Variants in SIGLEC1 observed in about 807,000 individuals in gnomAD.
The protein encoded by SIGLEC1 is sialoadhesin.
A neutral mutation model predicts 148.0 loss-of-function variants in SIGLEC1; 132 were observed. The observed-to-expected ratio is 0.89, with a 90% CI of 0.77 to 1.03. The LOEUF (loss-of-function observed/expected upper bound fraction) is 1.03. Ranked by LOEUF, SIGLEC1 falls within the 50% of genes least tolerant of loss-of-function variation. The pLI is 0.00. For synonymous variants in SIGLEC1, 945 were observed against 969.0 expected (o/e 0.98, Z 0.46); for missense variants, 2,253 against 2,271.4 (o/e 0.99, Z 0.16).
At chr20:3,708,626 G>T (rs1001197054) in intron 1 of SIGLEC1, among the ~76,000 whole-genome samples, 13 of 151,974 alleles carry the variant, frequency 8.6e-5, no homozygotes, top group Admixed American at 5.2e-4. Flanking sequence ...ACAGGCCTGT[G>T]GTCCCAGCTA....
rs146035034 is a variant in SIGLEC1 at position 3,692,070 on chromosome 20, G to T, written c.4163C>A (p.Thr1388Lys). Residue 1388 changes from threonine to lysine, a missense_variant, in exon 17 of 22, where the codon ACG becomes AAG. Thr to Lys is a moderately conservative substitution (Grantham distance 78). Coordinates refer to ENST00000344754, the MANE Select transcript of SIGLEC1 (RefSeq NM_023068.4). The stretch of plus-strand genomic sequence containing the variant: ...TGCCAAGCTGTGGACCCCGCTGCTC[G>T]TGGCCAGCACCTTGCCATCATGAGA... ...ALSHDGKVLATSSGVHSLASG... is the reference protein window; with the variant it reads ...ALSHDGKVLAKSSGVHSLASG... 1,434 of 1,611,468 alleles carry T rather than the reference G, an allele frequency of 8.9e-4. 13 individuals carry two copies. The highest frequency in any genetic ancestry group is 1.3e-3 in the Middle Eastern group (8 of 6,036).
At position 3,692,137 on chromosome 20, in the gene SIGLEC1, G is replaced by C; in HGVS notation, c.4096C>G (p.Gln1366Glu). The C allele has an allele frequency of 6.3e-7, 1 of 1,596,688 alleles. No homozygotes were observed. The highest frequency in any genetic ancestry group is 8.5e-7 in the Non-Finnish European group (1 of 1,171,662). The change falls in exon 17 of 22, where the codon CAG becomes GAG. Residue 1366 changes from glutamine (Q) to glutamate (E), a missense_variant. Coordinates refer to ENST00000344754, the MANE Select transcript of SIGLEC1 (RefSeq NM_023068.4). ...GGTGGCTCACTGTCCACAGTGCACT[G>C]TATCACAGCCATGGATCTGGCCCTG... ...DSRARSMAVI[Q>E]CTVDSEPPAE...
At chr20:3,691,161 C>G (rs777922147) in intron 18 of SIGLEC1, among the ~76,000 whole-genome samples, 179 bp downstream of exon 18, 13 of 152,170 alleles carry the variant, frequency 8.5e-5, no homozygotes, top group Non-Finnish European at 1.8e-4. Context: ...CAGGATGAGG[C>G]GAATGATGTA....
In SIGLEC1 at chr20:3,710,890, A is replaced by C. The variant is rs1289727525; in HGVS notation, c.-110+1580T>G. 6.6e-6 allele frequency among the ~76,000 whole-genome samples: 1 copy of C among 152,232 alleles called. No individual in the cohort carries two copies. Among genetic ancestry groups the C allele is most frequent in the Non-Finnish European group, 1.5e-5 (1 of 68,036 alleles). Reference sequence around the variant, plus strand: ...CCACCGGAATCCAGCCTATTGGCTCAGCCTGTCACCACAAAGGCCAGCTTC... The same window carrying C: ...CCACCGGAATCCAGCCTATTGGCTCCGCCTGTCACCACAAAGGCCAGCTTC... On this transcript the variant is annotated intron_variant, in intron 1 of 21. Coordinates refer to ENST00000344754, the MANE Select transcript of SIGLEC1 (RefSeq NM_023068.4). The surrounding 1 kb of genome is among the most constrained non-coding windows in gnomAD (Gnocchi z 4.6).
intron 11 of SIGLEC1, among the ~76,000 whole-genome samples, chr20:3,696,252 T>TA (rs1205712042): frequency 6.6e-6 from 1 of 152,142 alleles, no homozygotes; most frequent in East Asian, 1.9e-4. Flanking sequence ...TACTCATACA[T>TA]AAACATATAT....
At position 3,698,036 on chromosome 20, in the gene SIGLEC1, G is replaced by A. The variant is rs1472632783; in HGVS notation, c.1884C>T (p.Ser628=). ...RRGLLLCRVD[S]DPPARLQLLH... ...GCAGCTGCAGCCTGGCGGGGGGGTC[G>A]CTGTCCACACGGCACAAAAGGAGGC... Residue 628 remains serine (S), a synonymous_variant, in exon 9 of 22, where the codon AGC becomes AGT. Transcript: ENST00000344754. The A allele has an allele frequency of 4.4e-6, 7 of 1,608,432 alleles. No individual in the cohort carries two copies. Among genetic ancestry groups the A allele is most frequent in the South Asian group, 2.2e-5 (2 of 90,524 alleles).
chr20:3,695,543 G>A (rs1388351474), intron 11 of SIGLEC1, among the ~76,000 whole-genome samples: 1 of 152,146 alleles, frequency 6.6e-6, no homozygotes, highest in Non-Finnish European at 1.5e-5. Flanking sequence ...TGAGATGGAG[G>A]GACAGCTGGA....
At chr20:3,695,312 G>T (rs2088811529) in intron 11 of SIGLEC1, among the ~76,000 whole-genome samples, 1 of 152,228 alleles carries the variant, frequency 6.6e-6, no homozygotes, top group Non-Finnish European at 1.5e-5. Flanking sequence ...GAGGGATTTA[G>T]ATCATCCCGG....
rs2087811948 is a variant in SIGLEC1, at chr20:3,697,396, G to A, written c.2123-54C>T. 4 of 1,604,428 alleles carry A rather than the reference G, an allele frequency of 2.5e-6. No homozygotes were observed. In the African/African-American group the frequency reaches 4.0e-5, roughly 16 times the overall value. ...CCACCCCCGGCCCCCAGGAGCCAGGGGTCCAGCCGCCCAGCCTGGAAGGAG... is the reference window on the plus strand; with the variant it reads ...CCACCCCCGGCCCCCAGGAGCCAGGAGTCCAGCCGCCCAGCCTGGAAGGAG... On this transcript the variant is annotated intron_variant, in intron 9 of 21. Transcript: ENST00000344754.
At position 3,697,261 on chromosome 20, in the gene SIGLEC1, G is replaced by A. The variant is rs138665604; in HGVS notation, c.2204C>T (p.Ala735Val). The A allele has an allele frequency of 1.5e-5, 24 of 1,613,900 alleles. No individual in the cohort carries two copies. The African/African-American group carries it at 2.9e-4, about 20-fold the overall frequency. The change falls in exon 10 of 22, where the codon GCT becomes GTT. Residue 735 changes from alanine to valine, a missense_variant. Physicochemically the swap from Ala to Val is moderately conservative, Grantham distance 64. Coordinates refer to ENST00000344754, the MANE Select transcript of SIGLEC1 (RefSeq NM_023068.4). ...GGAGAAGTTAGCAGGGCTGCCAGCAGCTTCCCGGCTCACGTTGCAAGTCAA... is the reference window on the plus strand; with the variant it reads ...GGAGAAGTTAGCAGGGCTGCCAGCAACTTCCCGGCTCACGTTGCAAGTCAA... ...ANLTCNVSRE[A>V]AGSPANFSWF...
At chr20:3,691,146 A>G (rs577146179) in intron 18 of SIGLEC1, among the ~76,000 whole-genome samples, 194 bp downstream of exon 18, 20 of 151,976 alleles carry the variant, frequency 1.3e-4, no homozygotes, top group African/African-American at 4.6e-4. Flanking sequence ...TTCTTATACA[A>G]CTTGCAGGAT....
chr20:3,696,129 T>TATATATATATATACACAC lies in SIGLEC1; in HGVS notation c.2683+456_2683+457insGTGTGTATATATATATAT, dbSNP rs11087599. 7.5e-4 allele frequency among the ~76,000 whole-genome samples: 107 copies of TATATATATATATACACAC among 142,508 alleles called. 1 individual carries two copies. The highest frequency in any genetic ancestry group is 2.8e-3 in the African/African-American group (103 of 36,572). The allele number at this position is 142,508 out of a possible 152,430, so 93.5% of individuals were successfully genotyped here. On this transcript the variant is annotated intron_variant, in intron 11 of 21. Coordinates refer to ENST00000344754, the MANE Select transcript of SIGLEC1 (RefSeq NM_023068.4). The stretch of plus-strand genomic sequence containing the variant: ...AGGATTTTTATAGAGACTATATATA[T>TATATATATATATACACAC]ACACACACACAAACACACACACACA...
rs1345954693 is a variant in SIGLEC1 at position 3,691,866 on chromosome 20, C to T, written c.4330+37G>A. 2.6e-6 allele frequency: 4 copies of T among 1,542,164 alleles called. No individual in the cohort carries two copies. In the African/African-American group the frequency reaches 5.4e-5, roughly 21 times the overall value. On this transcript the variant is annotated intron_variant, in intron 17 of 21. Transcript: ENST00000344754. Reference sequence around the variant, plus strand: ...CCTCTCGTGGACTTGGACCTGAGAGCATCAGAGCCCCTCCTCCTCCCCTCT... The same window carrying T: ...CCTCTCGTGGACTTGGACCTGAGAGTATCAGAGCCCCTCCTCCTCCCCTCT...
At chr20:3,708,471 A>G (rs2146533525) in intron 1 of SIGLEC1, among the ~76,000 whole-genome samples, 1 of 152,372 alleles carries the variant, frequency 6.6e-6, no homozygotes, top group East Asian at 1.9e-4. Context: ...GACTTCATCA[A>G]AATTTAAAAC....
intron 4 of SIGLEC1, among the ~76,000 whole-genome samples, chr20:3,705,062 A>G (rs1401393847): frequency 1.3e-5 from 2 of 152,180 alleles, no homozygotes; most frequent in African/African-American, 4.8e-5. Context: ...CAGTGGCACA[A>G]TCACAACTCA....
chr20:3,711,324 C>T (rs2146534943), intron 1 of SIGLEC1, among the ~76,000 whole-genome samples: 1 of 152,304 alleles, frequency 6.6e-6, no homozygotes, highest in South Asian at 2.1e-4. Flanking sequence ...TGGCCTGGTA[C>T]ACAGTGGGCA....
chr20:3,700,988 C>T (rs948049280), intron 7 of SIGLEC1, among the ~76,000 whole-genome samples: 14 of 152,094 alleles, frequency 9.2e-5, no homozygotes, highest in Non-Finnish European at 1.5e-4. Flanking sequence ...AGTGAGCCAC[C>T]ACGCCCAGCC....
In SIGLEC1 at chr20:3,690,824, C is replaced by CTTT. The variant is rs200631809; in HGVS notation, c.4591+513_4591+515dup. Among the ~76,000 whole-genome samples the CTTT allele has an allele frequency of 3.0e-4, 38 of 126,856 alleles. 2 individuals are homozygous for CTTT. Among genetic ancestry groups the CTTT allele is most frequent in the East Asian group, 9.2e-4 (4 of 4,354 alleles). The allele number at this position is 126,856 out of a possible 152,430, so 83.2% of individuals were successfully genotyped here. ...TTCTTTTGGTTTTTTCTCTTCTTTT[C>CTTT]TTTTCTTTTTTTTTTTTTTTTCTTG... is the stretch of plus-strand genomic sequence containing the variant. On this transcript the variant is annotated intron_variant, in intron 18 of 21. Transcript: ENST00000344754.
At chr20:3,706,949 G>A in intron 2 of SIGLEC1, 131 bp downstream of exon 2, 1 of 1,120,910 alleles carries the variant, frequency 8.9e-7, no homozygotes, top group Non-Finnish European at 1.3e-6. Context: ...CCAGCTCCTG[G>A]CCACTGCCCG....
Sources: gnomAD v4.1 joint callset for allele counts (sites outside exome capture counted in the v4.1 genomes callset) on GRCh38, gnomAD v4.1.1 for gene constraint, Gnocchi (gnomAD v3.1) non-coding constraint, MANE v1.5 for transcripts, NCBI Gene and HGNC (gene_info 2026-07-23, HGNC 2026-07-21) for gene names.